Variants in RIC8B observed in about 807,000 individuals in gnomAD.
RIC8B encodes chaperone Ric-8B.
In RIC8B, 16 loss-of-function variants were observed where a neutral mutation model predicts 57.5. The observed-to-expected ratio is 0.28, with a 90% confidence interval of 0.19 to 0.42. The LOEUF is 0.42. Ranked by LOEUF, RIC8B falls within the 10% of genes least tolerant of loss-of-function variation. The probability of loss-of-function intolerance (pLI) is 1.00; values close to 1 mark genes in which losing one functional copy is unlikely to be tolerated. For missense variants in RIC8B, 481 were observed against 677.0 expected (o/e 0.71, Z 3.21); for synonymous variants, 216 against 250.8 (o/e 0.86, Z 1.31).
chr12:106,830,349 T>G (rs551976281), intron 4 of RIC8B, among the ~76,000 whole-genome samples: 1 of 152,360 alleles, frequency 6.6e-6, no homozygotes, highest in South Asian at 2.1e-4. Context: ...TTCATTTGTT[T>G]ATTAATTAAG....
chr12:106,785,266 T>G (rs2043952120), intron 2 of RIC8B, among the ~76,000 whole-genome samples: 1 of 152,184 alleles, frequency 6.6e-6, no homozygotes, highest in Admixed American at 6.5e-5. Context: ...CTTACTACTT[T>G]TGCAATATAT....
At chr12:106,876,217 T>C (rs1037559359) in intron 9 of RIC8B, among the ~76,000 whole-genome samples, 8 of 152,112 alleles carry the variant, frequency 5.3e-5, no homozygotes, top group Non-Finnish European at 1.2e-4. Flanking sequence ...TTAGTCCAAA[T>C]TGGGATGTCC....
intron 4 of RIC8B, among the ~76,000 whole-genome samples, chr12:106,839,105 G>A (rs745590022): frequency 1.4e-4 from 21 of 152,102 alleles, no homozygotes; most frequent in Non-Finnish European, 2.9e-5. Context: ...ATGGAAAACA[G>A]TGTGGAGTTT....
In RIC8B at chr12:106,815,310, G is replaced by A; in HGVS notation, c.741+6G>A. On this transcript the variant is annotated splice_donor_region_variant and intron_variant, in intron 3 of 9. Transcript: ENST00000392837. ...GTTGGAAGGTGCATAAAGAGGTAAG[G>A]TAGAGAAGGCTATTTTTGTCTACCT... The A allele has an allele frequency of 1.3e-6, 2 of 1,587,354 alleles. No individual in the cohort carries two copies. Among genetic ancestry groups the A allele is most frequent in the Middle Eastern group, 1.7e-4 (1 of 5,888 alleles).
intron 4 of RIC8B, among the ~76,000 whole-genome samples, chr12:106,835,260 A>G (rs1461755548): frequency 6.6e-6 from 1 of 152,132 alleles, no homozygotes. Context: ...CATTTCATAC[A>G]TACATAAATA....
intron 1 of RIC8B, among the ~76,000 whole-genome samples, chr12:106,779,162 C>T (rs2043631501): frequency 2.0e-5 from 3 of 151,990 alleles, no homozygotes; most frequent in Non-Finnish European, 1.5e-5. Context: ...ATCTGCCCGC[C>T]TCGGCCTCCC....
Position 106,842,751 on chromosome 12 carries a change from A to T in RIC8B, c.999A>T (p.Val333=), listed in dbSNP as rs1278310508. 2 of 1,613,762 alleles carry T rather than the reference A, an allele frequency of 1.2e-6. No homozygotes were observed. Among genetic ancestry groups the T allele is most frequent in the African/African-American group, 2.7e-5 (2 of 74,932 alleles). ...KETVLKNNTM[V]YNGMNMEAIH... ...CAGTTTTGAAAAACAATACCATGGTATACAATGGTATGAATATGGAGGCCA... is the reference window on the plus strand; with the variant it reads ...CAGTTTTGAAAAACAATACCATGGTTTACAATGGTATGAATATGGAGGCCA... The change falls in exon 5 of 10, where the codon GTA becomes GTT. Residue 333 remains valine, a synonymous_variant. Coordinates refer to ENST00000392837, the MANE Select transcript of RIC8B (RefSeq NM_001330145.2).
At chr12:106,821,980 A>C (rs141459286) in intron 3 of RIC8B, among the ~76,000 whole-genome samples, 6,122 of 146,554 alleles carry the variant, frequency 0.042, 291 homozygotes, top group African/African-American at 0.12. Context: ...CAGGAGGCTG[A>C]GGCAGGACAA....
intron 7 of RIC8B, among the ~76,000 whole-genome samples, chr12:106,856,935 C>T (rs1162784546): frequency 2.0e-5 from 3 of 152,014 alleles, no homozygotes; most frequent in East Asian, 3.9e-4. Flanking sequence ...AATGCTTGGG[C>T]GGTGTGGAGG....
intron 9 of RIC8B, among the ~76,000 whole-genome samples, chr12:106,877,133 T>C (rs976289029): frequency 1.3e-4 from 20 of 152,042 alleles, no homozygotes; most frequent in African/African-American, 4.1e-4. Flanking sequence ...TGAACAGTGA[T>C]TTAAAAAAAA....
At chr12:106,797,904 C>T (rs1308819261) in intron 2 of RIC8B, 3 of 565,332 alleles carry the variant, frequency 5.3e-6, no homozygotes, top group Non-Finnish European at 9.6e-6. Context: ...CTACACCGTA[C>T]TGCCGCTCAT....
At chr12:106,825,648 A>G in intron 3 of RIC8B, 78 bp from the exon 4 acceptor site, 1 of 996,532 alleles carries the variant, frequency 1.0e-6, no homozygotes, top group East Asian at 2.4e-5. Context: ...GGGGTGGGCA[A>G]GAGATGTAGT....
At chr12:106,840,110 T>G (rs191342981) in intron 4 of RIC8B, among the ~76,000 whole-genome samples, 3 of 152,308 alleles carry the variant, frequency 2.0e-5, no homozygotes, top group Admixed American at 6.5e-5. Context: ...AAAAAAGATA[T>G]GTAAGCCCCA....
At chr12:106,837,398 C>A (rs1248978768) in intron 4 of RIC8B, among the ~76,000 whole-genome samples, 1 of 151,976 alleles carries the variant, frequency 6.6e-6, no homozygotes, top group Non-Finnish European at 1.5e-5. Context: ...TACTAGTTTA[C>A]CCTCATGGGT....
At chr12:106,823,022 T>A (rs1482650914) in intron 3 of RIC8B, 1 of 153,274 alleles carries the variant, frequency 6.5e-6, no homozygotes. Flanking sequence ...ATTTTTATGT[T>A]GGCTATATGG....
At chr12:106,883,716 A>AC (rs777740883) in intron 9 of RIC8B, among the ~76,000 whole-genome samples, 247 of 150,154 alleles carry the variant, frequency 1.6e-3, no homozygotes, top group Middle Eastern at 3.4e-3. Context: ...TATTATGATG[A>AC]CCCCCCTAAT....
chr12:106,869,053 A>G (rs966459003), intron 8 of RIC8B, among the ~76,000 whole-genome samples: 9 of 152,096 alleles, frequency 5.9e-5, no homozygotes, highest in African/African-American at 1.7e-4. Context: ...CTACGCCCCT[A>G]TCTACTTGGC....
chr12:106,822,631 A>G (rs1002954658), intron 3 of RIC8B: 2 of 152,136 alleles, frequency 1.3e-5, no homozygotes, highest in African/African-American at 4.8e-5. Flanking sequence ...TCAGGATGAA[A>G]CTCTTGTGTA....
chr12:106,854,487 A>T (rs1949630504), intron 7 of RIC8B, among the ~76,000 whole-genome samples: 1 of 152,194 alleles, frequency 6.6e-6, no homozygotes, highest in Admixed American at 6.5e-5. Context: ...GGTTAGGAAC[A>T]CAGAGACTGC....
Sources: allele counts gnomAD v4.1 joint callset (sites outside exome capture counted in the v4.1 genomes callset), GRCh38; gene constraint gnomAD v4.1.1; transcripts MANE v1.5; gene names NCBI Gene and HGNC (gene_info 2026-07-23, HGNC 2026-07-21).